Variants in SYT6 observed in about 807,000 individuals in gnomAD.
SYT6 encodes the protein synaptotagmin-6.
SYT6 carries 24 observed loss-of-function variants against 38.4 expected under a neutral mutation model. That is an observed-to-expected ratio of 0.62 (90% CI 0.45 to 0.88). The LOEUF is 0.88. Ranked by LOEUF, SYT6 falls within the 40% of genes least tolerant of loss-of-function variation. The pLI, the probability that SYT6 is intolerant of heterozygous loss-of-function variation, is 0.00. For missense variants in SYT6, 611 were observed against 621.0 expected, an observed-to-expected ratio of 0.98 and a Z score of 0.17; for synonymous variants, 265 against 241.9, an observed-to-expected ratio of 1.10 and a Z score of -0.89.
At chr1:114,115,668 G>A (rs1022634489) in intron 3 of SYT6, among the ~76,000 whole-genome samples, 7 of 152,090 alleles carry the variant, frequency 4.6e-5, no homozygotes, top group Non-Finnish European at 8.8e-5. Flanking sequence ...GCCCGCCTCG[G>A]CCTCCCTAAG....
intron 3 of SYT6, among the ~76,000 whole-genome samples, chr1:114,131,637 A>T (rs568687975): frequency 6.6e-6 from 1 of 152,310 alleles, no homozygotes; most frequent in South Asian, 2.1e-4. Context: ...GCACCCTGAT[A>T]TGGAGGGCTC....
chr1:114,109,405 G>A (rs1174794476), intron 3 of SYT6, among the ~76,000 whole-genome samples: 2 of 152,176 alleles, frequency 1.3e-5, no homozygotes, highest in Admixed American at 6.5e-5. Context: ...TGTGGATTTG[G>A]GGTCAGGCAG....
intron 6 of SYT6, 148 bp downstream of exon 6, chr1:114,097,579 T>G: frequency 1.1e-6 from 1 of 935,016 alleles, no homozygotes; most frequent in Non-Finnish European, 1.6e-6. Context: ...TCCATTTCCT[T>G]TTGGCCTATT....
intron 3 of SYT6, 21 bp from the exon 4 acceptor site, chr1:114,103,742 G>A (rs1398051712): frequency 1.1e-5 from 18 of 1,609,056 alleles, no homozygotes; most frequent in Non-Finnish European, 1.4e-5. Context: ...GCACACAAGA[G>A]GGCAGATGAG....
Position 114,103,649 on chromosome 1 carries a change from C to G in SYT6, c.1144G>C (p.Val382Leu), listed in dbSNP as rs1244374226. 6.2e-7 allele frequency: 1 copy of G among 1,614,080 alleles called. No homozygotes were observed. ...LPTAGRLTLT[V>L]IKCRNLKAMD... ...GCCTTGAGGTTCCGACACTTAATCA[C>G]TGTGAGGGTGAGCCTGCCTGCAGTG... The change falls in exon 4 of 8, where the codon GTG (valine) becomes CTG (leucine). Residue 382 changes from valine (V) to leucine (L), a missense_variant. Coordinates refer to ENST00000610222, the MANE Select transcript of SYT6 (RefSeq NM_001253772.2).
intron 4 of SYT6, among the ~76,000 whole-genome samples, chr1:114,100,924 A>G (rs1675931879): frequency 6.6e-6 from 1 of 152,056 alleles, no homozygotes; most frequent in Admixed American, 6.6e-5. Context: ...ACCTATTTCC[A>G]TACACTCCCA....
chr1:114,121,256 C>T (rs1056271392), intron 3 of SYT6, among the ~76,000 whole-genome samples: 2 of 152,228 alleles, frequency 1.3e-5, no homozygotes, highest in Admixed American at 6.5e-5. Flanking sequence ...TGGCTTGGGG[C>T]CTGCCAGATC....
chr1:114,141,018 T>A (rs1478853293), intron 1 of SYT6, among the ~76,000 whole-genome samples: 1 of 152,252 alleles, frequency 6.6e-6, no homozygotes, highest in Admixed American at 6.5e-5. Context: ...CTCCCCTGGC[T>A]GGCCATTCCT....
rs146455029 is a variant in SYT6, at chr1:114,137,371, G to A, written c.1071+124C>T. 4.5e-5 allele frequency: 52 copies of A among 1,162,878 alleles called. No homozygotes were observed. In the East Asian group the frequency reaches 8.8e-4, roughly 20 times the overall value. 72.0% of individuals were successfully genotyped at this position (1,162,878 alleles called of 1,614,324 possible). On this transcript the variant is annotated intron_variant, in intron 3 of 7. Coordinates refer to ENST00000610222, the MANE Select transcript of SYT6 (RefSeq NM_001253772.2). ...ACTGGGCCACTGGGCAGTTTCCAGAGTCCCTCTTCACATCCCAAATGGCAA... is the reference window on the plus strand; with the variant it reads ...ACTGGGCCACTGGGCAGTTTCCAGAATCCCTCTTCACATCCCAAATGGCAA...
At chr1:114,149,359 G>C (rs375823422) in intron 1 of SYT6, among the ~76,000 whole-genome samples, 13 of 151,644 alleles carry the variant, frequency 8.6e-5, no homozygotes, top group African/African-American at 2.9e-4. Flanking sequence ...ATTCAGGGCT[G>C]GGGGGAGGGG....
chr1:114,125,629 C>A (rs1677679687), intron 3 of SYT6, among the ~76,000 whole-genome samples: 1 of 151,960 alleles, frequency 6.6e-6, no homozygotes, highest in African/African-American at 2.4e-5. Context: ...GCTGTAGAGA[C>A]CAAATTTTTC....
chr1:114,145,812 G>A (rs2291369), intron 1 of SYT6, among the ~76,000 whole-genome samples: 23,056 of 152,092 alleles, frequency 0.15, 2,087 homozygotes, highest in South Asian at 0.36. Flanking sequence ...GGGAGTAGGG[G>A]GAATCTAGAG....
At chr1:114,129,113 T>A (rs1328534432) in intron 3 of SYT6, among the ~76,000 whole-genome samples, 3 of 152,214 alleles carry the variant, frequency 2.0e-5, no homozygotes, top group Admixed American at 1.3e-4. Context: ...CAACTCAGCA[T>A]CCCAAGTTGC....
At chr1:114,118,481 A>G (rs1200911814) in intron 3 of SYT6, among the ~76,000 whole-genome samples, 2 of 152,152 alleles carry the variant, frequency 1.3e-5, no homozygotes, top group Non-Finnish European at 2.9e-5. Flanking sequence ...AAGTTTGCAG[A>G]TCCTCCCTTT....
chr1:114,112,993 G>A (rs1676777673), intron 3 of SYT6, among the ~76,000 whole-genome samples: 1 of 152,180 alleles, frequency 6.6e-6, no homozygotes, highest in African/African-American at 2.4e-5. Context: ...AATGTTTCTT[G>A]CAAACAAGTG....
At chr1:114,092,379 G>A (rs1389718254) in intron 7 of SYT6, among the ~76,000 whole-genome samples, 10 of 150,474 alleles carry the variant, frequency 6.6e-5, no homozygotes, top group African/African-American at 2.5e-4. Context: ...AGAATGAGGT[G>A]CTCTGACTGG....
chr1:114,131,914 T>C (rs759616465), intron 3 of SYT6, among the ~76,000 whole-genome samples: 3 of 152,108 alleles, frequency 2.0e-5, no homozygotes, highest in Non-Finnish European at 4.4e-5. Context: ...AACAAAACAC[T>C]CTTCTGGATC....
chr1:114,142,836 AT>A (rs1176002093), intron 1 of SYT6, among the ~76,000 whole-genome samples: 1 of 152,110 alleles, frequency 6.6e-6, no homozygotes, highest in Admixed American at 6.6e-5. Flanking sequence ...GCAATTTAGC[AT>A]TTTTTAGCAA....
In SYT6 at chr1:114,089,493, T is replaced by A. The variant is rs768249869; in HGVS notation, c.*2641A>T. 6 of 152,424 alleles carry A rather than the reference T, an allele frequency of 3.9e-5. No individual in the cohort carries two copies. Among genetic ancestry groups the A allele is most frequent in the Non-Finnish European group, 8.8e-5 (6 of 68,032 alleles). The allele number at this position is 152,424 out of a possible 1,614,324, so 9.4% of individuals were successfully genotyped here. On this transcript the variant is annotated 3_prime_UTR_variant, in exon 8 of 8. Transcript: ENST00000610222. ...GGAGAAGGGAACTTTTCATGTTTTT[T>A]AAAAAAACCTATGTGCAAATGGCCC...
Sources: allele counts gnomAD v4.1 joint callset (sites outside exome capture counted in the v4.1 genomes callset), GRCh38; gene constraint gnomAD v4.1.1; transcripts MANE v1.5; gene names NCBI Gene and HGNC (gene_info 2026-07-23, HGNC 2026-07-21).